The following MED16 variants were observed in gnomAD, a reference collection of about 807,000 sequenced individuals.
MED16 encodes the protein mediator complex subunit 16, also known as mediator of RNA polymerase II transcription subunit 16.
MED16 carries 81 observed loss-of-function variants against 84.4 expected under a neutral mutation model. The ratio of observed to expected loss-of-function variants is 0.96; its 90% CI spans 0.80 to 1.15. The LOEUF (loss-of-function observed/expected upper bound fraction) is 1.15. Among genes scored for constraint, MED16 ranks in the 50% most tolerant of loss-of-function variants. The pLI is 0.00. For missense variants in MED16, 1,585 were observed against 1,245.9 expected (o/e 1.27, Z -4.10); for synonymous variants, 897 against 552.2 (o/e 1.62, Z -8.76).
At chr19:876,880 C>CCCCCACCTGCCACGGGG (rs767807781) in intron 9 of MED16, 94 bp downstream of exon 9, 45,377 of 1,130,834 alleles carry the variant, frequency 0.04, 2,307 homozygotes, top group East Asian at 0.19. Context: ...TGCCACGGGG[C>CCCCCACCTGCCACGGGG]CCCCACCTGC....
chr19:877,397 C>A (rs190464121), intron 8 of MED16, among the ~76,000 whole-genome samples: 89 of 152,264 alleles, frequency 5.8e-4, no homozygotes, highest in African/African-American at 2.0e-3. Flanking sequence ...CTCCCTGAGC[C>A]CCGACTGCAC....
chr19:884,185 C>T (rs1379589978), intron 6 of MED16, among the ~76,000 whole-genome samples: 1 of 152,208 alleles, frequency 6.6e-6, no homozygotes, highest in African/African-American at 2.4e-5. Flanking sequence ...GGGAAAACAT[C>T]TCCCTTCTCC....
chr19:875,652 C>T (rs1484432766), intron 9 of MED16, among the ~76,000 whole-genome samples, 198 bp from the exon 10 acceptor site: 1 of 152,208 alleles, frequency 6.6e-6, no homozygotes, highest in East Asian at 1.9e-4. Context: ...GCTGGGTTCT[C>T]AGCTGGGAGC....
chr19:886,617 C>T (rs555581622), intron 4 of MED16, among the ~76,000 whole-genome samples: 128 of 152,350 alleles, frequency 8.4e-4, no homozygotes, highest in Admixed American at 1.4e-3. Flanking sequence ...AGGCGGGGGC[C>T]GTCAGGCCCT....
rs1401520303 is a variant in MED16 at position 890,237 on chromosome 19, G to C, written c.177C>G (p.Thr59=). 6.5e-6 allele frequency: 10 copies of C among 1,548,286 alleles called. No homozygotes were observed. Among genetic ancestry groups the C allele is most frequent in the Middle Eastern group, 1.7e-4 (1 of 5,968 alleles). ...MDLRSDDQDL[T]RMIHILDTEH... ...CCGTGTCCAGGATGTGGATCATGCG[G>C]GTCAGGTCTGTGGGGACGGGGCATG... The change falls in exon 3 of 16, where the codon ACC becomes ACG. Residue 59 remains threonine (T), a synonymous_variant. Transcript: ENST00000325464.
intron 11 of MED16, among the ~76,000 whole-genome samples, chr19:873,221 T>G (rs2036136291): frequency 7.6e-6 from 1 of 131,448 alleles, no homozygotes; most frequent in African/African-American, 3.0e-5. Context: ...AGAGACAGAC[T>G]CAGGAAGTGG....
Position 881,462 on chromosome 19 carries a change from C to G in MED16, c.1141+97G>C, listed in dbSNP as rs573659519. On this transcript the variant is annotated intron_variant, in intron 7 of 15. Coordinates refer to ENST00000325464, the MANE Select transcript of MED16 (RefSeq NM_005481.3). The stretch of plus-strand genomic sequence containing the variant: ...GGCCTGTGCTCAGAGCCCACGTCCT[C>G]TGGTGTGAGCTCCCACGACCCCGTG... 136 of 1,414,156 alleles carry G rather than the reference C, an allele frequency of 9.6e-5. No homozygotes were observed. In the African/African-American group the frequency reaches 1.8e-3, roughly 19 times the overall value. The allele number at this position is 1,414,156 out of a possible 1,614,324, so 87.6% of individuals were successfully genotyped here.
chr19:867,985 G>T lies in MED16; in HGVS notation c.*116C>A. 1 of 1,365,966 alleles carries T rather than the reference G, an allele frequency of 7.3e-7. No homozygotes were observed. Among genetic ancestry groups the T allele is most frequent in the Non-Finnish European group, 9.8e-7 (1 of 1,022,998 alleles). The allele number at this position is 1,365,966 out of a possible 1,614,324, so 84.6% of individuals were successfully genotyped here. A position where few individuals can be genotyped will look rare whatever the true frequency, so the allele number is the denominator to read the frequency against. On this transcript the variant is annotated 3_prime_UTR_variant, in exon 16 of 16. Transcript: ENST00000325464. ...GCCTGGGCGCAGAGGGCGTTTATTG[G>T]ACCTGTCCTTCCCAGCCGCTGCTTG...
Position 884,990 on chromosome 19 carries a change from T to C in MED16, c.898A>G (p.Ser300Gly). The stretch of plus-strand genomic sequence containing the variant: ...CACTCCACGATGCTGCTGGTCTGGC[T>C]GGACGCGCACAAAAGCACCTGCGGG... Reference protein sequence around the residue: ...MSEQVLLCASSQTSSIVECWS... With the variant: ...MSEQVLLCASGQTSSIVECWS... Residue 300 changes from serine to glycine, a missense_variant, in exon 6 of 16, where the codon AGC (serine) becomes GGC (glycine). Physicochemically the swap from Ser to Gly is moderately conservative, Grantham distance 56 (BLOSUM62 0). Transcript: ENST00000325464. The C allele has an allele frequency of 6.2e-7, 1 of 1,604,476 alleles. No individual in the cohort carries two copies. Among genetic ancestry groups the C allele is most frequent in the Non-Finnish European group, 8.5e-7 (1 of 1,177,920 alleles).
At position 871,188 on chromosome 19, in the gene MED16, TG is replaced by T; in HGVS notation, c.2163del (p.Ser722AlafsTer95). The T allele has an allele frequency of 6.5e-7, 1 of 1,550,064 alleles. No individual in the cohort carries two copies. The highest frequency in any genetic ancestry group is 8.7e-7 in the Non-Finnish European group (1 of 1,146,666). Reference protein sequence around the residue: ...EALVDECCLLPSQLLIPSLDW... With the variant: ...EALVDECCLLXSQLLIPSLDW... Reference sequence around the variant, plus strand: ...TCCAGGCTGGGGATAAGCAGCTGGCTGGGCAGCAGGCAGCATTCATCCACCA... The same window carrying T: ...TCCAGGCTGGGGATAAGCAGCTGGCTGGCAGCAGGCAGCATTCATCCACCA... On this transcript the variant is annotated frameshift_variant, in exon 13 of 16. Coordinates refer to ENST00000325464, the MANE Select transcript of MED16 (RefSeq NM_005481.3). LOFTEE classifies it high-confidence loss of function.
chr19:871,976 T>A lies in MED16; in HGVS notation c.2048A>T (p.Gln683Leu). 6.2e-7 allele frequency: 1 copy of A among 1,603,962 alleles called. No individual in the cohort carries two copies. The highest frequency in any genetic ancestry group is 8.5e-7 in the Non-Finnish European group (1 of 1,176,748). Reference sequence around the variant, plus strand: ...GCGGAAGAGCAGGGACATGCTGTCCTGGGTATCCGAGGTGGCCGTATACAC... The same window carrying A: ...GCGGAAGAGCAGGGACATGCTGTCCAGGGTATCCGAGGTGGCCGTATACAC... ...LPVYTATSDT[Q>L]DSMSLLFRLL... The change falls in exon 12 of 16, where the codon CAG (glutamine) becomes CTG (leucine). Residue 683 changes from glutamine (Q) to leucine (L), a missense_variant. Physicochemically the swap from Gln to Leu is moderately radical, Grantham distance 113. Transcript: ENST00000325464.
Position 887,771 on chromosome 19 carries a change from G to A in MED16, c.448-1570C>T, listed in dbSNP as rs77396633. On this transcript the variant is annotated intron_variant, in intron 4 of 15. Coordinates refer to ENST00000325464, the MANE Select transcript of MED16 (RefSeq NM_005481.3). ...TCAGTAAGAGATGCCAGACACAGAAGGCTACGCAGTGTGTGATCCTGTTTC... is the reference window on the plus strand; with the variant it reads ...TCAGTAAGAGATGCCAGACACAGAAAGCTACGCAGTGTGTGATCCTGTTTC... 4.8e-3 allele frequency among the ~76,000 whole-genome samples: 735 copies of A among 152,236 alleles called. 7 individuals carry two copies. Among genetic ancestry groups the A allele is most frequent in the African/African-American group, 0.017 (711 of 41,538 alleles).
rs765668765 is a variant in MED16 at position 884,886 on chromosome 19, G to A, written c.985+17C>T. ...CGAGGGCAGGCCCAGGGCCTCCGCA[G>A]CCGGCGGGAGACTCACCCACGGGGG... On this transcript the variant is annotated intron_variant, in intron 6 of 15. Transcript: ENST00000325464. The A allele has an allele frequency of 1.9e-6, 3 of 1,589,900 alleles. No homozygotes were observed. The highest frequency in any genetic ancestry group is 2.6e-6 in the Non-Finnish European group (3 of 1,169,346).
chr19:876,327 G>C (rs190583475), intron 9 of MED16, among the ~76,000 whole-genome samples: 1 of 152,046 alleles, frequency 6.6e-6, no homozygotes, highest in Non-Finnish European at 1.5e-5. Flanking sequence ...GTGGGCCTCC[G>C]TATCCGCTCC....
chr19:870,738 CGG>C (rs1043687758), intron 13 of MED16, among the ~76,000 whole-genome samples: 1 of 131,494 alleles, frequency 7.6e-6, no homozygotes, highest in African/African-American at 2.9e-5. Flanking sequence ...CGTATGGATT[CGG>C]GGGGGTCCTG....
intron 10 of MED16, 22 bp downstream of exon 10, chr19:875,222 C>A: frequency 6.5e-7 from 1 of 1,530,986 alleles, no homozygotes; most frequent in Non-Finnish European, 8.9e-7. Flanking sequence ...CCTCGAGGCC[C>A]CGGGCGTGGA....
chr19:873,549 T>C lies in MED16; in HGVS notation c.1805A>G (p.Glu602Gly), dbSNP rs894849751. The C allele has an allele frequency of 3.7e-6, 6 of 1,612,356 alleles. No individual in the cohort carries two copies. Among genetic ancestry groups the C allele is most frequent in the Non-Finnish European group, 5.1e-6 (6 of 1,179,702 alleles). ...IDKVMINLKT[E>G]EFVLDMNTLQ... ...TGTGTTCATGTCCAGCACAAATTCCTCCGTCTTGAGGTTGATCATGACCTT... is the reference window on the plus strand; with the variant it reads ...TGTGTTCATGTCCAGCACAAATTCCCCCGTCTTGAGGTTGATCATGACCTT... Residue 602 changes from glutamate to glycine, a missense_variant, in exon 11 of 16, where the codon GAG becomes GGG. Glu to Gly is a moderately conservative substitution (Grantham distance 98). Transcript: ENST00000325464.
intron 11 of MED16, 125 bp downstream of exon 11, chr19:873,320 CAAGT>C: frequency 4.5e-6 from 3 of 666,180 alleles, no homozygotes; most frequent in Non-Finnish European, 6.8e-6. Flanking sequence ...GGCGGGACTC[CAAGT>C]AGGGGCGGGA....
intron 15 of MED16, 29 bp from the exon 16 acceptor site, chr19:868,280 CGAG>C (rs1308684702): frequency 2.5e-5 from 39 of 1,588,728 alleles, no homozygotes; most frequent in Non-Finnish European, 3.3e-5. Flanking sequence ...TTAACCGCGC[CGAG>C]GAGAGTCCAG....
Sources: allele counts gnomAD v4.1 joint callset (sites outside exome capture counted in the v4.1 genomes callset), GRCh38; gene constraint gnomAD v4.1.1; transcripts MANE v1.5; gene names NCBI Gene and HGNC (gene_info 2026-07-23, HGNC 2026-07-21).